The following TIAM1 variants were observed in gnomAD, a reference collection of about 807,000 sequenced individuals.
TIAM1 encodes the protein TIAM Rac1 associated GEF 1.
In TIAM1, 65 loss-of-function variants were observed where a neutral mutation model predicts 163.5. The observed-to-expected ratio is 0.40, with a 90% CI of 0.33 to 0.49. TIAM1 has a LOEUF of 0.49. TIAM1 is among the 20% of genes least tolerant of loss of function. TIAM1 has a pLI of 0.77. For missense variants in TIAM1, 1,789 were observed against 2,044.7 expected (o/e 0.87, Z 2.41); for synonymous variants, 833 against 810.1 (o/e 1.03, Z -0.48).
At chr21:31,192,930 G>A (rs538825519) in intron 13 of TIAM1, among the ~76,000 whole-genome samples, 27 of 152,278 alleles carry the variant, frequency 1.8e-4, no homozygotes, top group Middle Eastern at 3.4e-3. Context: ...CAAGGGACGC[G>A]TGGTGAATGT....
At chr21:31,194,577 G>A (rs565546808) in intron 13 of TIAM1, among the ~76,000 whole-genome samples, 4 of 152,182 alleles carry the variant, frequency 2.6e-5, no homozygotes, top group South Asian at 4.1e-4. Context: ...CATTATGCCC[G>A]AAAGGCCAGA....
chr21:31,261,968 C>A (rs1244424079), intron 4 of TIAM1, among the ~76,000 whole-genome samples: 1 of 152,158 alleles, frequency 6.6e-6, no homozygotes, highest in Non-Finnish European at 1.5e-5. Flanking sequence ...GCTCTCCTCA[C>A]AAGCATGCAC....
intron 2 of TIAM1, among the ~76,000 whole-genome samples, chr21:31,430,983 C>T (rs2044008158): frequency 6.6e-6 from 1 of 152,088 alleles, no homozygotes. Context: ...CATCTTATAA[C>T]CCTGACTTAA....
intron 2 of TIAM1, among the ~76,000 whole-genome samples, chr21:31,445,024 A>AAGAGG (rs1370069229): frequency 6.6e-6 from 1 of 150,846 alleles, no homozygotes. Flanking sequence ...CAAAGAACAG[A>AAGAGG]AGAGAAGAGA....
intron 2 of TIAM1, among the ~76,000 whole-genome samples, chr21:31,388,244 C>A (rs1026066543): frequency 8.1e-6 from 1 of 123,486 alleles, no homozygotes; most frequent in African/African-American, 3.1e-5. Context: ...CACACACACA[C>A]ACACACACAC....
In TIAM1 at chr21:31,202,929, G is replaced by A. The variant is rs201264061; in HGVS notation, c.2472C>T (p.Pro824=). The A allele has an allele frequency of 5.6e-5, 90 of 1,614,054 alleles. No individual in the cohort carries two copies. The highest frequency in any genetic ancestry group is 6.4e-5 in the Non-Finnish European group (75 of 1,179,990). The change falls in exon 12 of 28, where the codon CCC becomes CCT. Residue 824 remains proline, a synonymous_variant. Transcript: ENST00000541036. Reference sequence around the variant, plus strand: ...TTACCAGCTCATAGATGTCTTCCTCGGGCTGTGGAACATAGAGCTGCATTT... The same window carrying A: ...TTACCAGCTCATAGATGTCTTCCTCAGGCTGTGGAACATAGAGCTGCATTT... ...ENKMQLYVPQ[P]EEDIYELLYK... is the part of the protein sequence containing the mutation.
chr21:31,292,437 T>C (rs2074059208), intron 2 of TIAM1, among the ~76,000 whole-genome samples: 1 of 151,344 alleles, frequency 6.6e-6, no homozygotes, highest in Non-Finnish European at 1.5e-5. Flanking sequence ...TGATGCGATC[T>C]CGGCTCACTG....
intron 2 of TIAM1, among the ~76,000 whole-genome samples, chr21:31,410,519 G>A (rs1381375449): frequency 7.7e-6 from 1 of 129,424 alleles, no homozygotes; most frequent in Non-Finnish European, 1.7e-5. Flanking sequence ...GTATGTGAGA[G>A]TGCATGAGAC....
chr21:31,203,105 C>G, intron 11 of TIAM1, 93 bp from the exon 12 acceptor site: 1 of 1,031,808 alleles, frequency 9.7e-7, no homozygotes, highest in Non-Finnish European at 1.5e-6. Context: ...ATTCCTATGA[C>G]CAATAGAGTT....
At chr21:31,455,108 C>T (rs368806606) in intron 2 of TIAM1, among the ~76,000 whole-genome samples, 63 of 151,910 alleles carry the variant, frequency 4.1e-4, no homozygotes, top group South Asian at 2.5e-3. Context: ...TGGAGAAACC[C>T]GTTTCTACTA....
Position 31,430,247 on chromosome 21 carries a change from T to TAC in TIAM1, c.-369+33734_-369+33735dup, listed in dbSNP as rs1202910634. Among the ~76,000 whole-genome samples the TAC allele has an allele frequency of 7.5e-3, 802 of 106,568 alleles. 5 individuals are homozygous for TAC. Among genetic ancestry groups the TAC allele is most frequent in the Non-Finnish European group, 9.9e-3 (527 of 53,352 alleles). 69.9% of individuals were successfully genotyped at this position (106,568 alleles called of 152,430 possible). On this transcript the variant is annotated intron_variant, in intron 2 of 28. Coordinates refer to the TIAM1 transcript ENST00000286827. Reference sequence around the variant, plus strand: ...AAAAATATATATATATATATATATATACACACACACACACACACACACACA... The same window carrying TAC: ...AAAAATATATATATATATATATATATACACACACACACACACACACACACACA...
At chr21:31,173,327 G>A (rs2084604003) in intron 15 of TIAM1, among the ~76,000 whole-genome samples, 1 of 151,954 alleles carries the variant, frequency 6.6e-6, no homozygotes, top group African/African-American at 2.4e-5. Context: ...TTGGGGGTGG[G>A]GGCAAAAGAA....
intron 2 of TIAM1, among the ~76,000 whole-genome samples, chr21:31,461,425 A>G (rs1279920603): frequency 6.6e-6 from 1 of 152,186 alleles, no homozygotes; most frequent in Non-Finnish European, 1.5e-5. Flanking sequence ...CGGAGGTTGG[A>G]GTAAACTGAG....
chr21:31,222,660 C>A (rs1307122097), intron 8 of TIAM1, among the ~76,000 whole-genome samples: 1 of 117,518 alleles, frequency 8.5e-6, no homozygotes, highest in African/African-American at 3.1e-5. Flanking sequence ...TGTATATATA[C>A]ATACATGTAC....
chr21:31,313,448 C>T (rs2075002038), intron 2 of TIAM1, among the ~76,000 whole-genome samples: 1 of 152,098 alleles, frequency 6.6e-6, no homozygotes, highest in Admixed American at 6.5e-5. Context: ...AAATAATCAC[C>T]ATTTGCAACA....
At chr21:31,168,535 G>C (rs982565642) in intron 15 of TIAM1, among the ~76,000 whole-genome samples, 5 of 152,148 alleles carry the variant, frequency 3.3e-5, no homozygotes, top group Admixed American at 3.3e-4. Flanking sequence ...TGAGTAGCTG[G>C]TACTACAGGC....
At chr21:31,245,698 T>C (rs1340647047) in intron 5 of TIAM1, 38 bp from the exon 6 acceptor site, 2 of 1,415,322 alleles carry the variant, frequency 1.4e-6, no homozygotes, top group Non-Finnish European at 1.9e-6. Flanking sequence ...GAGTATTCAG[T>C]GCTTGGGAAA....
intron 9 of TIAM1, among the ~76,000 whole-genome samples, chr21:31,216,627 G>T (rs2087229369): frequency 6.6e-6 from 1 of 152,180 alleles, no homozygotes; most frequent in East Asian, 1.9e-4. Flanking sequence ...GGCGAGTGAA[G>T]AAGTCAAATT....
chr21:31,152,511 C>G, intron 19 of TIAM1, 125 bp downstream of exon 19: 1 of 1,305,880 alleles, frequency 7.7e-7, no homozygotes, highest in Non-Finnish European at 1.1e-6. Flanking sequence ...CCATTCCCCT[C>G]CCTCTCAGAC....
Sources: allele counts gnomAD v4.1 joint callset (sites outside exome capture counted in the v4.1 genomes callset), GRCh38; gene constraint gnomAD v4.1.1; transcripts MANE v1.5; gene names NCBI Gene and HGNC (gene_info 2026-07-23, HGNC 2026-07-21).